TACC1: variants seen among roughly 807,000 people sequenced by gnomAD.
TACC1 encodes transforming acidic coiled-coil containing protein 1, also known as transforming acidic coiled-coil-containing protein 1.
Under a neutral mutation model 84.4 loss-of-function variants are expected in TACC1, and 48 were observed. The observed-to-expected ratio is 0.57, with a 90% CI of 0.45 to 0.72. The LOEUF (loss-of-function observed/expected upper bound fraction) is 0.72. TACC1 is among the 30% of genes least tolerant of loss of function. The pLI, the probability that TACC1 is intolerant of heterozygous loss-of-function variation, is 0.00. For missense variants in TACC1, 920 were observed against 973.0 expected (o/e 0.95, Z 0.72); for synonymous variants, 372 against 376.3 (o/e 0.99, Z 0.13).
At chr8:38,835,576 C>T (rs576176143) in intron 6 of TACC1, among the ~76,000 whole-genome samples, 13 of 152,332 alleles carry the variant, frequency 8.5e-5, no homozygotes, top group East Asian at 7.7e-4. Context: ...AGCAGGAGGT[C>T]GCTGCGGAGC....
chr8:38,771,542 T>A lies in TACC1; in HGVS notation c.27-17162T>A, dbSNP rs756091414. Among the ~76,000 whole-genome samples the A allele has an allele frequency of 2.8e-4, 42 of 152,258 alleles. No homozygotes were observed. The Middle Eastern group carries it at 0.014, about 49-fold the overall frequency. ...AGCTTTTTGTCTCCAGTTTGGATGT[T>A]GGAGACAGGTTTCTGTGTAAGAGAG... On this transcript the variant is annotated intron_variant, in intron 3 of 14. Coordinates refer to the TACC1 transcript ENST00000518415.
intron 2 of TACC1, among the ~76,000 whole-genome samples, chr8:38,795,892 GAAT>G (rs1380568792): frequency 1.5e-4 from 23 of 152,280 alleles, no homozygotes; most frequent in Non-Finnish European, 8.8e-5. Context: ...ACTCACAAGG[GAAT>G]AATAATAATG....
intron 6 of TACC1, among the ~76,000 whole-genome samples, chr8:38,831,966 C>A (rs1272728521): frequency 6.6e-6 from 1 of 152,142 alleles, no homozygotes; most frequent in African/African-American, 2.4e-5. Flanking sequence ...GCCACCACGC[C>A]CAGCTAATTT....
At chr8:38,787,159 T>C (rs1200004215), upstream of TACC1, 11 of 983,662 alleles carry the variant, frequency 1.1e-5, no homozygotes, top group Non-Finnish European at 1.2e-5. Flanking sequence ...CGCGCGCGAG[T>C]AGTACGGTCC....
chr8:38,738,916 G>C (rs1486217118), intron 1 of TACC1, among the ~76,000 whole-genome samples: 6 of 151,990 alleles, frequency 3.9e-5, no homozygotes. Flanking sequence ...TTGAGACTGA[G>C]CTCACACTCT....
intron 3 of TACC1, among the ~76,000 whole-genome samples, chr8:38,770,162 C>T (rs778081681): frequency 6.6e-6 from 1 of 151,934 alleles, no homozygotes; most frequent in African/African-American, 2.4e-5. Context: ...CAGGTTTGGC[C>T]ACAGATGTCA....
intron 3 of TACC1, among the ~76,000 whole-genome samples, chr8:38,759,649 G>C (rs1055621320): frequency 6.6e-6 from 1 of 152,156 alleles, no homozygotes; most frequent in Non-Finnish European, 1.5e-5. Context: ...TAGGAATACA[G>C]TCCCTCCCTA....
At chr8:38,745,325 C>T (rs2151705536) in exon 3 of TACC1, 1 of 534,442 alleles carries the variant, frequency 1.9e-6, no homozygotes, top group Non-Finnish European at 3.3e-6. Context: ...CAACACTCAT[C>T]AGAGAAAAAG....
At chr8:38,738,440 T>C (rs1806408163) in intron 1 of TACC1, among the ~76,000 whole-genome samples, 1 of 152,088 alleles carries the variant, frequency 6.6e-6, no homozygotes, top group Admixed American at 6.5e-5. Flanking sequence ...ATCATGGACA[T>C]TTGTCTCTTC....
intron 3 of TACC1, chr8:38,745,560 T>C (rs1807920119): frequency 1.5e-6 from 1 of 669,298 alleles, no homozygotes; most frequent in Middle Eastern, 3.5e-4. Flanking sequence ...TTTTTGTTTT[T>C]TGAGATGGAA....
intron 3 of TACC1, among the ~76,000 whole-genome samples, chr8:38,749,563 G>T (rs1242604804): frequency 6.6e-6 from 1 of 151,994 alleles, no homozygotes; most frequent in Non-Finnish European, 1.5e-5. Context: ...TGATCAAGGG[G>T]CAATGCAAAG....
intron 6 of TACC1, among the ~76,000 whole-genome samples, chr8:38,833,372 G>T (rs1014276034): frequency 6.6e-6 from 1 of 152,168 alleles, no homozygotes; most frequent in Non-Finnish European, 1.5e-5. Flanking sequence ...CAACTTAAAG[G>T]ACTAAGGAAT....
At chr8:38,780,391 CT>C (rs1815697005) in intron 3 of TACC1, among the ~76,000 whole-genome samples, 1 of 152,030 alleles carries the variant, frequency 6.6e-6, no homozygotes, top group Admixed American at 6.6e-5. Flanking sequence ...GAGATAGAGT[CT>C]CGCTCTGTTG....
chr8:38,839,765 A>G (rs1830867146), intron 8 of TACC1: 1 of 161,226 alleles, frequency 6.2e-6, no homozygotes, highest in Non-Finnish European at 1.3e-5. Flanking sequence ...TTTTGGAATT[A>G]GGACACAAAA....
intron 3 of TACC1, among the ~76,000 whole-genome samples, chr8:38,761,814 A>G (rs928176872): frequency 2.0e-5 from 3 of 152,216 alleles, no homozygotes; most frequent in African/African-American, 7.2e-5. Flanking sequence ...ATTTAGAGCA[A>G]GTTTGTGGAG....
chr8:38,820,391 A>G lies in TACC1; in HGVS notation c.1147A>G (p.Lys383Glu). The change falls in exon 3 of 13, where the codon AAG (lysine) becomes GAG (glutamate). Residue 383 changes from lysine (K) to glutamate (E), a missense_variant. Lys to Glu is a moderately conservative substitution (Grantham distance 56). This residue lies in a region of TACC1 where 762 missense variants were observed against 747.3 expected (regional missense o/e 1.02). Transcript: ENST00000317827. ...RDGPLSQTSS[K>E]PDPSQWESPS... ...CGGGCCTCTCTCCCAAACATCTTCCAAGCCAGATCCTAGTCAGTGGGAAAG... is the reference window on the plus strand; with the variant it reads ...CGGGCCTCTCTCCCAAACATCTTCCGAGCCAGATCCTAGTCAGTGGGAAAG... The G allele has an allele frequency of 6.2e-7, 1 of 1,614,154 alleles. No homozygotes were observed. Among genetic ancestry groups the G allele is most frequent in the Non-Finnish European group, 8.5e-7 (1 of 1,180,014 alleles).
At chr8:38,793,067 C>T (rs929942310) in intron 2 of TACC1, among the ~76,000 whole-genome samples, 1 of 152,210 alleles carries the variant, frequency 6.6e-6, no homozygotes, top group African/African-American at 2.4e-5. Context: ...TGTTACCTCT[C>T]TCTGAGAAAG....
chr8:38,787,706 G>C lies in TACC1; in HGVS notation c.124G>C (p.Glu42Gln). ...CGGGCCCGAGGGCGACCCCGAGGAG[G>C]AGGATTCGCAAGCCGAGACCAAATC... ...AGGPEGDPEE[E>Q]DSQAETKSLS... Residue 42 changes from glutamate to glutamine, a missense_variant, in exon 1 of 13, where the codon GAG becomes CAG. By Grantham distance (29) the Glu-to-Gln change is conservative (BLOSUM62 2). Around this residue, in one of 2 missense-constraint regions of TACC1, gnomAD observed 762 missense variants for 747.3 expected, o/e 1.02. Coordinates refer to ENST00000317827, the MANE Select transcript of TACC1 (RefSeq NM_006283.3). The C allele has an allele frequency of 6.5e-7, 1 of 1,538,002 alleles. No homozygotes were observed. The highest frequency in any genetic ancestry group is 1.4e-5 in the African/African-American group (1 of 72,058).
At chr8:38,755,812 C>CATTATT (rs10680579) in intron 3 of TACC1, among the ~76,000 whole-genome samples, 17,697 of 149,924 alleles carry the variant, frequency 0.12, 1,362 homozygotes, top group East Asian at 0.28. Context: ...GTGAAGAGAT[C>CATTATT]ATTATTATTA....
Sources: gnomAD v4.1 joint callset for allele counts (sites outside exome capture counted in the v4.1 genomes callset) on GRCh38, gnomAD v4.1.1 for gene constraint, gnomAD v4.1.1 regional missense constraint, MANE v1.5 for transcripts, NCBI Gene and HGNC (gene_info 2026-07-23, HGNC 2026-07-21) for gene names.